UBR3: variants seen among roughly 807,000 people sequenced by gnomAD.
UBR3 encodes E3 ubiquitin-protein ligase UBR3.
UBR3 carries 85 observed loss-of-function variants against 243.2 expected under a neutral mutation model. That is an observed-to-expected ratio of 0.35 (90% CI 0.29 to 0.42). The LOEUF (loss-of-function observed/expected upper bound fraction) is 0.42. Ranked by LOEUF, UBR3 falls within the 10% of genes least tolerant of loss-of-function variation. The pLI is 1.00. For synonymous variants in UBR3, 748 were observed against 799.8 expected, an observed-to-expected ratio of 0.94 and a Z score of 1.09; for missense variants, 1,686 against 2,300.8, an observed-to-expected ratio of 0.73 and a Z score of 5.47.
chr2:169,890,607 A>ATATATATATG (rs2084340187), intron 5 of UBR3, among the ~76,000 whole-genome samples: 1 of 140,960 alleles, frequency 7.1e-6, no homozygotes, highest in Non-Finnish European at 1.5e-5. Context: ...ATATATGTAT[A>ATATATATATG]TATATCATTG....
intron 31 of UBR3, among the ~76,000 whole-genome samples, chr2:170,038,014 G>C (rs1264384663): frequency 6.6e-6 from 1 of 152,092 alleles, no homozygotes; most frequent in Non-Finnish European, 1.5e-5. Flanking sequence ...GTAGAAAATA[G>C]CTGTTAGCAT....
chr2:170,027,489 T>C (rs1157489405), intron 30 of UBR3, among the ~76,000 whole-genome samples: 1 of 151,706 alleles, frequency 6.6e-6, no homozygotes, highest in African/African-American at 2.4e-5. Context: ...TGTAACATTA[T>C]TTTCTGTGCT....
At chr2:170,038,166 G>A (rs566650857) in intron 31 of UBR3, among the ~76,000 whole-genome samples, 1 of 152,168 alleles carries the variant, frequency 6.6e-6, no homozygotes, top group East Asian at 1.9e-4. Context: ...TCTGCAATTT[G>A]TTGGTCTGTA....
chr2:169,841,596 G>A (rs1009872366), intron 1 of UBR3, among the ~76,000 whole-genome samples: 1 of 152,214 alleles, frequency 6.6e-6, no homozygotes, highest in African/African-American at 2.4e-5. Context: ...AGTTCCGGGT[G>A]GGCGTGGGCT....
At position 169,949,968 on chromosome 2, in the gene UBR3, A is replaced by C. The variant is rs146616960; in HGVS notation, c.3448A>C (p.Lys1150Gln). 1.2e-6 allele frequency: 2 copies of C among 1,613,716 alleles called. No individual in the cohort carries two copies. The highest frequency in any genetic ancestry group is 2.7e-5 in the African/African-American group (2 of 74,918). The stretch of plus-strand genomic sequence containing the variant: ...AGCTGCATCGCAAAGTAGAATGAAC[A>C]AACGCATCATTGAAGAGATATGTAG... Reference protein sequence around the residue: ...LKAASQSRMNKRIIEEICRKV... With the variant: ...LKAASQSRMNQRIIEEICRKV... Residue 1150 changes from lysine to glutamine, a missense_variant, in exon 23 of 39, where the codon AAA (lysine) becomes CAA (glutamine). By Grantham distance (53) the Lys-to-Gln change is moderately conservative. Coordinates refer to ENST00000272793, the MANE Select transcript of UBR3 (RefSeq NM_172070.4).
At position 170,001,367 on chromosome 2, in the gene UBR3, C is replaced by A; in HGVS notation, c.3982C>A (p.His1328Asn). The A allele has an allele frequency of 6.2e-7, 1 of 1,613,716 alleles. No individual in the cohort carries two copies. Among genetic ancestry groups the A allele is most frequent in the South Asian group, 1.1e-5 (1 of 91,034 alleles). ...AGGTGTTTATGTACAAACCTGTGGT[C>A]ACACATTACATATAGATTGTCATAA... Reference protein sequence around the residue: ...EGGVYVQTCGHTLHIDCHKSY... With the variant: ...EGGVYVQTCGNTLHIDCHKSY... The change falls in exon 27 of 39, where the codon CAC (histidine) becomes AAC (asparagine). Residue 1328 changes from histidine to asparagine, a missense_variant. Coordinates refer to ENST00000272793, the MANE Select transcript of UBR3 (RefSeq NM_172070.4).
At chr2:169,913,979 T>A (rs748386397) in intron 10 of UBR3, 81 bp from the exon 11 acceptor site, 3 of 566,308 alleles carry the variant, frequency 5.3e-6, no homozygotes, top group Non-Finnish European at 7.9e-6. Context: ...ATATACACAA[T>A]GCATATAATT....
In UBR3 at chr2:170,077,465, TC is replaced by T. The variant is rs1228002764; in HGVS notation, c.5200-2348del. 2.0e-6 allele frequency: 3 copies of T among 1,468,494 alleles called. No individual in the cohort carries two copies. The Admixed American group carries it at 7.2e-5, about 35-fold the overall frequency. The allele number at this position is 1,468,494 out of a possible 1,614,324, so 91.0% of individuals were successfully genotyped here. A position where few individuals can be genotyped will look rare whatever the true frequency, so the allele number is the denominator to read the frequency against. ...AGTTCAGGATGTGTTACATGGGCTT[TC>T]TTGAAACGCAAGCCCATTGGCCTGA... On this transcript the variant is annotated intron_variant, in intron 36 of 38. Coordinates refer to ENST00000272793, the MANE Select transcript of UBR3 (RefSeq NM_172070.4).
intron 10 of UBR3, among the ~76,000 whole-genome samples, chr2:169,910,479 C>T (rs929728189): frequency 1.3e-5 from 2 of 152,056 alleles, no homozygotes; most frequent in Non-Finnish European, 2.9e-5. Context: ...AATGAAAAAT[C>T]ATTATTTCCG....
intron 1 of UBR3, among the ~76,000 whole-genome samples, chr2:169,866,182 C>CAAAAAAAAA (rs1553497954): frequency 1.3e-5 from 1 of 79,468 alleles, no homozygotes; most frequent in African/African-American, 5.9e-5. Flanking sequence ...AAAAAAAAAG[C>CAAAAAAAAA]TTTTATGGGA....
At position 169,942,570 on chromosome 2, in the gene UBR3, A is replaced by T. The variant is rs961760563; in HGVS notation, c.2741A>T (p.Lys914Ile). 2.9e-5 allele frequency: 45 copies of T among 1,550,526 alleles called. No homozygotes were observed. The highest frequency in any genetic ancestry group is 3.6e-5 in the Non-Finnish European group (41 of 1,146,712). The stretch of plus-strand genomic sequence containing the variant: ...AGGACATCACTCCATCCTAGCTATA[A>T]AGGTCTTATGAGACTTTTGCACTGT... The part of the protein sequence containing the change: ...KKRTSLHPSY[K>I]GLMRLLHCKT... Residue 914 changes from lysine (K) to isoleucine (I), a missense_variant, in exon 20 of 39, where the codon AAA becomes ATA. Lys to Ile is a moderately radical substitution (Grantham distance 102, BLOSUM62 -3). Coordinates refer to ENST00000272793, the MANE Select transcript of UBR3 (RefSeq NM_172070.4).
chr2:169,881,758 T>C lies in UBR3; in HGVS notation c.1038+3184T>C, dbSNP rs1346805982. On this transcript the variant is annotated intron_variant, in intron 5 of 38. Transcript: ENST00000272793. ...ATATTATATAATATATATTATATAT[T>C]AATAAATTATATATAATATAATATA... Among the ~76,000 whole-genome samples the C allele has an allele frequency of 5.0e-5, 7 of 139,724 alleles. No homozygotes were observed. In the East Asian group the frequency reaches 1.4e-3, roughly 28 times the overall value. The allele number at this position is 139,724 out of a possible 152,430, so 91.7% of individuals were successfully genotyped here.
intron 24 of UBR3, among the ~76,000 whole-genome samples, chr2:169,975,430 C>G (rs2088382176): frequency 6.6e-6 from 1 of 152,130 alleles, no homozygotes. Context: ...TATTCTGCTG[C>G]TTTTGTTGAA....
chr2:170,060,166 T>G (rs969443169), intron 33 of UBR3, among the ~76,000 whole-genome samples: 1 of 152,192 alleles, frequency 6.6e-6, no homozygotes, highest in Non-Finnish European at 1.5e-5. Context: ...ATAAGTAGAA[T>G]AAAGGACATC....
chr2:169,839,161 A>G (rs541827251), intron 1 of UBR3, among the ~76,000 whole-genome samples: 174 of 152,378 alleles, frequency 1.1e-3, no homozygotes, highest in Admixed American at 1.8e-3. Flanking sequence ...AATGTGGTAT[A>G]TATGCACAAT....
At chr2:169,905,003 G>T in intron 8 of UBR3, 111 bp from the exon 9 acceptor site, 1 of 850,808 alleles carries the variant, frequency 1.2e-6, no homozygotes. Flanking sequence ...ATGGAAGGCT[G>T]GGGTTTGAAT....
At chr2:170,070,368 A>C (rs182504769) in intron 35 of UBR3, among the ~76,000 whole-genome samples, 7 of 152,186 alleles carry the variant, frequency 4.6e-5, no homozygotes, top group Non-Finnish European at 8.8e-5. Flanking sequence ...ATAAAAGAGC[A>C]TATCAAAAAC....
At chr2:170,032,222 A>G (rs2090691175) in intron 31 of UBR3, among the ~76,000 whole-genome samples, 2 of 152,040 alleles carry the variant, frequency 1.3e-5, no homozygotes, top group African/African-American at 2.4e-5. Flanking sequence ...TCATTTGTGT[A>G]AAAAAGGGCA....
rs116673464 is a variant in UBR3, at chr2:169,981,205, T to C, written c.3635-5440T>C. Reference sequence around the variant, plus strand: ...CCTTTACCCTCAAGGAGGTGGAATATAACTCCCCACTCCTTAAGTGTGAGC... The same window carrying C: ...CCTTTACCCTCAAGGAGGTGGAATACAACTCCCCACTCCTTAAGTGTGAGC... On this transcript the variant is annotated intron_variant, in intron 24 of 38. Transcript: ENST00000272793. Among the ~76,000 whole-genome samples, 427 of 152,236 alleles carry C rather than the reference T, an allele frequency of 2.8e-3. 3 individuals carry two copies. The highest frequency in any genetic ancestry group is 2.4e-3 in the Non-Finnish European group (164 of 68,000).
Sources: gnomAD v4.1 joint callset for allele counts (sites outside exome capture counted in the v4.1 genomes callset) on GRCh38, gnomAD v4.1.1 for gene constraint, MANE v1.5 for transcripts, NCBI Gene and HGNC (gene_info 2026-07-23, HGNC 2026-07-21) for gene names.